Variants in KEL observed in about 807,000 individuals in gnomAD.
KEL encodes the protein Kell metallo-endopeptidase (Kell blood group).
Under a neutral mutation model 99.5 loss-of-function variants are expected in KEL, and 96 were observed. That is an observed-to-expected ratio of 0.97 (90% CI 0.82 to 1.14). KEL has a LOEUF of 1.14. Ranked by LOEUF, KEL falls within the 50% of genes most tolerant of loss-of-function variation. KEL has a pLI of 0.00. For synonymous variants in KEL, 355 were observed against 354.8 expected (o/e 1.00, Z -0.01); for missense variants, 926 against 924.2 (o/e 1.00, Z -0.03).
intron 12 of KEL, 99 bp downstream of exon 12, chr7:142,944,543 TG>T (rs556378561): frequency 1.8e-5 from 22 of 1,206,754 alleles, no homozygotes; most frequent in South Asian, 2.5e-5. Flanking sequence ...AGCATGTGCC[TG>T]GGGGGGCCTT....
At chr7:142,947,137 C>G in intron 10 of KEL, among the ~76,000 whole-genome samples, 1 of 152,178 alleles carries the variant, frequency 6.6e-6, no homozygotes. Context: ...AGAGATGACA[C>G]GGTAAATGGA....
Position 142,961,448 on chromosome 7 carries a change from G to C in KEL, c.135C>G (p.Ala45=). ...TCAGGATAGCTGTCAGCACCCGCCT[G>C]GCCACTGCCCATGGCCTGCTCCCTT... The part of the protein sequence containing the change: ...PVEGSRPWAV[A]RRVLTAILIL... The change falls in exon 3 of 19, where the codon GCC becomes GCG. Residue 45 remains alanine, a synonymous_variant. Coordinates refer to ENST00000355265, the MANE Select transcript of KEL (RefSeq NM_000420.3). 6.2e-7 allele frequency: 1 copy of C among 1,612,668 alleles called. No individual in the cohort carries two copies. The highest frequency in any genetic ancestry group is 8.5e-7 in the Non-Finnish European group (1 of 1,179,546).
chr7:142,946,677 A>G lies in KEL; in HGVS notation c.1204-360T>C, dbSNP rs562555145. On this transcript the variant is annotated intron_variant, in intron 10 of 18. Transcript: ENST00000355265. The stretch of plus-strand genomic sequence containing the variant: ...ATGTTCCCCCTGTTCCCCCACCACC[A>G]CTCTACTCCGGGGTCCCAGCAATGA... 63 of 324,656 alleles carry G rather than the reference A, an allele frequency of 1.9e-4. 1 individual carries two copies. The South Asian group carries it at 2.5e-3, about 13-fold the overall frequency. 20.1% of individuals were successfully genotyped at this position (324,656 alleles called of 1,614,324 possible).
intron 14 of KEL, 89 bp from the exon 15 acceptor site, chr7:142,943,685 C>CCATTACAT: frequency 7.0e-7 from 1 of 1,429,366 alleles, no homozygotes; most frequent in Non-Finnish European, 9.8e-7. Context: ...ACTACCATTA[C>CCATTACAT]TGTTCATGCT....
At chr7:142,958,101 C>G in intron 5 of KEL, 128 bp from the exon 6 acceptor site, 5 of 1,333,008 alleles carry the variant, frequency 3.8e-6, no homozygotes, top group Non-Finnish European at 5.2e-6. Flanking sequence ...TCTAGGAAGC[C>G]ACATCTATCC....
At chr7:142,944,836 C>A (rs971407279) in intron 11 of KEL, 95 bp from the exon 12 acceptor site, 1 of 938,856 alleles carries the variant, frequency 1.1e-6, no homozygotes, top group Non-Finnish European at 1.7e-6. Context: ...AAGGGCTTGG[C>A]CCCAAGGAGC....
intron 14 of KEL, 78 bp downstream of exon 14, chr7:142,943,705 G>A (rs1261246434): frequency 2.0e-6 from 3 of 1,490,614 alleles, no homozygotes; most frequent in African/African-American, 2.8e-5. Context: ...TGCCTGCCCT[G>A]AGCCCTGGCT....
Position 142,961,467 on chromosome 7 carries a change from C to T in KEL, c.116G>A (p.Ser39Asn). The T allele has an allele frequency of 6.2e-7, 1 of 1,608,196 alleles. No individual in the cohort carries two copies. Among genetic ancestry groups the T allele is most frequent in the East Asian group, 2.2e-5 (1 of 44,720 alleles). Residue 39 changes from serine (S) to asparagine (N), a missense_variant, in exon 3 of 19, where the codon AGC becomes AAC. By Grantham distance (46) the Ser-to-Asn change is conservative. Transcript: ENST00000355265. ...CCGCCTGGCCACTGCCCATGGCCTG[C>T]TCCCTTCCACGGGCAGCCTCTCTTC... Reference protein sequence around the residue: ...TPEERLPVEGSRPWAVARRVL... With the variant: ...TPEERLPVEGNRPWAVARRVL...
chr7:142,943,829 G>A lies in KEL; in HGVS notation c.1546C>T (p.Arg516Ter), dbSNP rs8176034. The A allele has an allele frequency of 2.7e-5, 43 of 1,614,060 alleles. No homozygotes were observed. The highest frequency in any genetic ancestry group is 3.3e-4 in the Middle Eastern group (2 of 6,084). ...QSVLSCVRSL[R>*]ARIVQSFLQP... The stretch of plus-strand genomic sequence containing the variant: ...AAGAAGCTCTGGACAATTCTAGCTC[G>A]GAGGGACCGGACACAGCTCAGGACA... The change falls in exon 14 of 19, where the codon CGA becomes TGA. Residue 516 changes from arginine to a stop codon, truncating the protein, a stop_gained. Coordinates refer to ENST00000355265, the MANE Select transcript of KEL (RefSeq NM_000420.3). LOFTEE classifies it high-confidence loss of function.
intron 1 of KEL, 114 bp from the exon 2 acceptor site, chr7:142,961,986 A>C: frequency 6.2e-7 from 1 of 1,608,338 alleles, no homozygotes; most frequent in Non-Finnish European, 8.5e-7. Flanking sequence ...GCCCCCACAC[A>C]CATATTTTTA....
At chr7:142,941,555 T>C in intron 18 of KEL, 142 bp from the exon 19 acceptor site, 1 of 716,102 alleles carries the variant, frequency 1.4e-6, no homozygotes, top group Non-Finnish European at 2.3e-6. Context: ...ATTTGAAATG[T>C]ATAGTTCATT....
intron 18 of KEL, chr7:142,942,146 T>G: frequency 2.0e-6 from 1 of 505,450 alleles, no homozygotes; most frequent in Non-Finnish European, 3.6e-6. Context: ...TTTGGGGGTA[T>G]GAGAGGAAAA....
At chr7:142,956,424 T>A (rs1001722217) in intron 6 of KEL, among the ~76,000 whole-genome samples, 2 of 152,024 alleles carry the variant, frequency 1.3e-5, no homozygotes, top group Non-Finnish European at 2.9e-5. Context: ...AAGAGTTGGA[T>A]GGCCTCAGTA....
intron 5 of KEL, 40 bp downstream of exon 5, chr7:142,958,264 G>A (rs1157486382): frequency 1.2e-6 from 2 of 1,613,760 alleles, no homozygotes; most frequent in Non-Finnish European, 1.7e-6. Context: ...GGTCCCATAT[G>A]TTATGTATCC....
intron 11 of KEL, 137 bp from the exon 12 acceptor site, chr7:142,944,878 G>A: frequency 2.8e-6 from 2 of 723,678 alleles, no homozygotes; most frequent in Non-Finnish European, 5.0e-6. Context: ...TAGAGGAGCA[G>A]CTCAACTAAA....
At position 142,941,491 on chromosome 7, in the gene KEL, C is replaced by G; in HGVS notation, c.2038-78G>C. ...CCCGGTGACAAGGGGTGATCAGGGA[C>G]AGCAGACAAAGAGGGGAACCAGGGG... On this transcript the variant is annotated intron_variant, in intron 18 of 18. Coordinates refer to ENST00000355265, the MANE Select transcript of KEL (RefSeq NM_000420.3). The G allele has an allele frequency of 7.1e-7, 1 of 1,403,048 alleles. No individual in the cohort carries two copies. The highest frequency in any genetic ancestry group is 1.4e-5 in the African/African-American group (1 of 69,594). 86.9% of individuals were successfully genotyped at this position (1,403,048 alleles called of 1,614,324 possible).
At chr7:142,961,157 C>T in intron 3 of KEL, 53 bp from the exon 4 acceptor site, 1 of 1,597,372 alleles carries the variant, frequency 6.3e-7, no homozygotes, top group South Asian at 1.1e-5. Context: ...ACAAGGGCTC[C>T]CCCAAGGGGC....
rs760034649 is a variant in KEL at position 142,961,081 on chromosome 7, A to C, written c.247T>G (p.Leu83Val). The change falls in exon 4 of 19, where the codon TTG (leucine) becomes GTG (valine). Residue 83 changes from leucine to valine, a missense_variant. By Grantham distance (32) the Leu-to-Val change is conservative. Coordinates refer to ENST00000355265, the MANE Select transcript of KEL (RefSeq NM_000420.3). ...GPRPCETSVCLDLRDHYLASG... is the reference protein window; with the variant it reads ...GPRPCETSVCVDLRDHYLASG... ...GCCAGGTAATGATCCCGGAGATCCA[A>C]ACACACAGATGTCTCACAGGGGCCT... 3.2e-5 allele frequency: 52 copies of C among 1,613,986 alleles called. No individual in the cohort carries two copies. The South Asian group carries it at 4.3e-4, about 13-fold the overall frequency.
intron 9 of KEL, among the ~76,000 whole-genome samples, chr7:142,952,848 T>C (rs1796724015): frequency 6.6e-6 from 1 of 152,212 alleles, no homozygotes; most frequent in South Asian, 2.1e-4. Context: ...AGAAACTAGA[T>C]GAAGAGGCAG....
Sources: gnomAD v4.1 joint callset for allele counts (sites outside exome capture counted in the v4.1 genomes callset) on GRCh38, gnomAD v4.1.1 for gene constraint, MANE v1.5 for transcripts, NCBI Gene and HGNC (gene_info 2026-07-23, HGNC 2026-07-21) for gene names.